ZSWIM5: variants seen among roughly 807,000 people sequenced by gnomAD.
ZSWIM5 encodes zinc finger SWIM-type containing 5.
A neutral mutation model predicts 119.6 loss-of-function variants in ZSWIM5; 55 were observed. That is an observed-to-expected ratio of 0.46 (90% confidence interval 0.37 to 0.58). The LOEUF is 0.58. Ranked by LOEUF, ZSWIM5 falls within the 20% of genes least tolerant of loss-of-function variation. The pLI is 0.00. For synonymous variants in ZSWIM5, 537 were observed against 606.9 expected (o/e 0.88, Z 1.69); for missense variants, 1,193 against 1,512.8 (o/e 0.79, Z 3.51).
chr1:45,182,403 C>CAAAAAAAAA (rs1164921724), intron 1 of ZSWIM5, among the ~76,000 whole-genome samples: 1 of 116,890 alleles, frequency 8.6e-6, no homozygotes, highest in African/African-American at 4.3e-5. Flanking sequence ...GACTCCGTCT[C>CAAAAAAAAA]AAAAAAACAA....
intron 1 of ZSWIM5, among the ~76,000 whole-genome samples, chr1:45,171,486 A>G (rs924915790): frequency 2.0e-5 from 3 of 152,096 alleles, no homozygotes; most frequent in Admixed American, 6.6e-5. Flanking sequence ...CTCTGAAACG[A>G]AAGTCTACTA....
intron 1 of ZSWIM5, among the ~76,000 whole-genome samples, chr1:45,147,672 A>G (rs994801080): frequency 1.1e-4 from 17 of 151,692 alleles, no homozygotes; most frequent in Non-Finnish European, 2.2e-4. Context: ...TAATCTCAAC[A>G]TTTCTTATTT....
chr1:45,041,053 G>C (rs1056085683), intron 6 of ZSWIM5, among the ~76,000 whole-genome samples: 1 of 152,084 alleles, frequency 6.6e-6, no homozygotes, highest in Non-Finnish European at 1.5e-5. Context: ...TATACAGAGA[G>C]AAAATAATAT....
intron 1 of ZSWIM5, among the ~76,000 whole-genome samples, chr1:45,094,861 A>C (rs1405897929): frequency 7.2e-6 from 1 of 139,316 alleles, no homozygotes; most frequent in East Asian, 2.1e-4. Context: ...CAAGGCAAGC[A>C]AAAAAAAAAA....
intron 2 of ZSWIM5, among the ~76,000 whole-genome samples, chr1:45,063,131 C>T (rs1645162913): frequency 6.6e-6 from 1 of 152,174 alleles, no homozygotes; most frequent in African/African-American, 2.4e-5. Context: ...GCTGCATCCA[C>T]ATTGCTGCAG....
At chr1:45,078,370 T>C (rs1645267719) in intron 2 of ZSWIM5, among the ~76,000 whole-genome samples, 1 of 152,198 alleles carries the variant, frequency 6.6e-6, no homozygotes, top group Non-Finnish European at 1.5e-5. Flanking sequence ...ATCTAAGCTG[T>C]ATCTGCTTTA....
intron 2 of ZSWIM5, among the ~76,000 whole-genome samples, chr1:45,076,500 T>C (rs1232393122): frequency 1.3e-5 from 2 of 152,216 alleles, no homozygotes; most frequent in Non-Finnish European, 2.9e-5. Flanking sequence ...TGTATGTTAC[T>C]TTTTCTCTTG....
rs765600943 is a variant in ZSWIM5, at chr1:45,036,022, G to A, written c.2155+17C>T. ...ATGGGCCAAAGACACCGTGACAAGA[G>A]ACTCTTTTCTACTTACCTTCCAGCA... On this transcript the variant is annotated intron_variant, in intron 9 of 13. Coordinates refer to ENST00000359600, the MANE Select transcript of ZSWIM5 (RefSeq NM_020883.2). The A allele has an allele frequency of 1.9e-6, 3 of 1,610,082 alleles. No homozygotes were observed. Among genetic ancestry groups the A allele is most frequent in the Non-Finnish European group, 2.5e-6 (3 of 1,177,242 alleles).
chr1:45,196,782 T>A (rs1646128357), intron 1 of ZSWIM5, among the ~76,000 whole-genome samples: 1 of 152,258 alleles, frequency 6.6e-6, no homozygotes, highest in African/African-American at 2.4e-5. Flanking sequence ...TTTAATAAGT[T>A]TTGACAAAAG....
rs758235271 is a variant in ZSWIM5, at chr1:45,068,792, CTTTTTTTTTTTTTTTTTTTT to C, written c.953-8565_953-8546del. 6.4e-5 allele frequency among the ~76,000 whole-genome samples: 3 copies of C among 46,756 alleles called. No homozygotes were observed. The Admixed American group carries it at 1.1e-3, about 18-fold the overall frequency. 30.7% of individuals were successfully genotyped at this position (46,756 alleles called of 152,430 possible). On this transcript the variant is annotated intron_variant, in intron 2 of 13. Coordinates refer to ENST00000359600, the MANE Select transcript of ZSWIM5 (RefSeq NM_020883.2). Reference sequence around the variant, plus strand: ...TCACTGTTTTGTTGCTGTTGTATGTCTTTTTTTTTTTTTTTTTTTTTTTTTTTTCTGAGACAGGATCTTTG... The same window carrying C: ...TCACTGTTTTGTTGCTGTTGTATGTCTTTTTTTTCTGAGACAGGATCTTTG...
intron 12 of ZSWIM5, 37 bp downstream of exon 12, chr1:45,020,588 C>T (rs375614963): frequency 3.0e-4 from 476 of 1,598,750 alleles, no homozygotes; most frequent in African/African-American, 2.8e-3. Context: ...ACTAGGTCAG[C>T]GGTCTAAACT....
chr1:45,201,605 A>G (rs949128118), intron 1 of ZSWIM5, among the ~76,000 whole-genome samples: 1 of 152,082 alleles, frequency 6.6e-6, no homozygotes, highest in Non-Finnish European at 1.5e-5. Context: ...CTTTTCTATA[A>G]TATATTTTTA....
chr1:45,036,106 G>C lies in ZSWIM5; in HGVS notation c.2088C>G (p.Leu696=), dbSNP rs1422441651. 6.2e-7 allele frequency: 1 copy of C among 1,614,094 alleles called. No individual in the cohort carries two copies. The highest frequency in any genetic ancestry group is 8.5e-7 in the Non-Finnish European group (1 of 1,180,030). ...GCTCATCGTCCAGCTGCAGCTCTTG[G>C]AGTTGGCTCAGGAGCTGCTCCTCAT... ...CRNEEQLLSQ[L]QELQLDDELV... Residue 696 remains leucine, a synonymous_variant, in exon 9 of 14, where the codon CTC becomes CTG. Coordinates refer to ENST00000359600, the MANE Select transcript of ZSWIM5 (RefSeq NM_020883.2).
At chr1:45,189,827 C>T (rs1344281502) in intron 1 of ZSWIM5, among the ~76,000 whole-genome samples, 16 of 152,150 alleles carry the variant, frequency 1.1e-4, no homozygotes, top group Non-Finnish European at 2.2e-4. Context: ...GCTATCTCAG[C>T]AACAGATGGT....
intron 5 of ZSWIM5, among the ~76,000 whole-genome samples, chr1:45,049,544 C>T (rs754457488): frequency 6.6e-5 from 10 of 152,154 alleles, no homozygotes; most frequent in South Asian, 4.1e-4. Flanking sequence ...CCAGGCTGGT[C>T]GCGGTGGCTC....
chr1:45,134,523 A>G (rs1645677861), intron 1 of ZSWIM5, among the ~76,000 whole-genome samples: 1 of 152,236 alleles, frequency 6.6e-6, no homozygotes, highest in Admixed American at 6.5e-5. Context: ...GTTAGTTTTT[A>G]TAACAGTTTC....
chr1:45,055,900 G>A (rs191879882), intron 4 of ZSWIM5, among the ~76,000 whole-genome samples: 118 of 152,224 alleles, frequency 7.8e-4, no homozygotes, highest in Middle Eastern at 3.4e-3. Context: ...AGATGGAGGC[G>A]GTAGAATTGC....
At chr1:45,123,540 G>A (rs1009842130) in intron 1 of ZSWIM5, among the ~76,000 whole-genome samples, 4 of 152,046 alleles carry the variant, frequency 2.6e-5, no homozygotes, top group Admixed American at 6.5e-5. Flanking sequence ...CAGAATAACA[G>A]AAATTACCTA....
At chr1:45,096,732 C>A (rs182454942) in intron 1 of ZSWIM5, among the ~76,000 whole-genome samples, 1 of 152,086 alleles carries the variant, frequency 6.6e-6, no homozygotes, top group South Asian at 2.1e-4. Flanking sequence ...TGCTTCATGC[C>A]GTTCTATGGC....
Sources: allele counts gnomAD v4.1 joint callset (sites outside exome capture counted in the v4.1 genomes callset), GRCh38; gene constraint gnomAD v4.1.1; transcripts MANE v1.5; gene names NCBI Gene and HGNC (gene_info 2026-07-23, HGNC 2026-07-21).